Variants in CRYBG1 observed in about 807,000 individuals in gnomAD.
CRYBG1 encodes beta/gamma crystallin domain-containing protein 1.
CRYBG1 carries 139 observed loss-of-function variants against 189.2 expected under a neutral mutation model. The ratio of observed to expected loss-of-function variants is 0.73; its 90% CI spans 0.64 to 0.85. The LOEUF (loss-of-function observed/expected upper bound fraction) is 0.85, where lower values mean the gene tolerates loss of function less well. Ranked by LOEUF, CRYBG1 falls within the 40% of genes least tolerant of loss-of-function variation. CRYBG1 has a pLI of 0.00. For missense variants in CRYBG1, 2,611 were observed against 2,675.8 expected (o/e 0.98, Z 0.53); for synonymous variants, 1,023 against 1,017.1 (o/e 1.01, Z -0.11).
intron 2 of CRYBG1, among the ~76,000 whole-genome samples, chr6:106,459,111 T>C (rs953040209): frequency 6.6e-6 from 1 of 152,226 alleles, no homozygotes; most frequent in Non-Finnish European, 1.5e-5. Context: ...TCTATATTTA[T>C]TTGTGATGTT....
intron 2 of CRYBG1, among the ~76,000 whole-genome samples, chr6:106,455,235 G>C (rs1771861869): frequency 6.6e-6 from 1 of 152,006 alleles, no homozygotes; most frequent in Admixed American, 6.6e-5. Flanking sequence ...AAAAGCATAA[G>C]AAAGTGGTAT....
intron 1 of CRYBG1, among the ~76,000 whole-genome samples, chr6:106,376,189 T>C (rs1770160302): frequency 6.6e-6 from 1 of 152,242 alleles, no homozygotes; most frequent in Admixed American, 6.5e-5. Context: ...GCAGTAAAGA[T>C]GAAATTATAG....
At chr6:106,563,688 G>A in intron 20 of CRYBG1, 76 bp from the exon 21 acceptor site, 1 of 1,470,102 alleles carries the variant, frequency 6.8e-7, no homozygotes, top group South Asian at 1.3e-5. Context: ...AAAGCCCAAT[G>A]TAACCAGAGA....
intron 2 of CRYBG1, chr6:106,454,712 A>G (rs1771849469): frequency 6.6e-6 from 1 of 152,260 alleles, no homozygotes; most frequent in African/African-American, 2.4e-5. Context: ...ACCCATTTTT[A>G]TAACTGTTCC....
rs145791819 is a variant in CRYBG1, at chr6:106,531,554, G to T, written c.4718+1239G>T. Among the ~76,000 whole-genome samples, 3 of 152,144 alleles carry T rather than the reference G, an allele frequency of 2.0e-5. No homozygotes were observed. In the South Asian group the frequency reaches 6.2e-4, roughly 31 times the overall value. On this transcript the variant is annotated intron_variant, in intron 8 of 21. Transcript: ENST00000633556. The stretch of plus-strand genomic sequence containing the variant: ...CTTGTTAGGTAAAGAGTTTCTCATC[G>T]CAGGGAGTACTCAGGTAGAGGATGG...
At chr6:106,470,769 G>A (rs1772217785) in intron 2 of CRYBG1, among the ~76,000 whole-genome samples, 1 of 152,120 alleles carries the variant, frequency 6.6e-6, no homozygotes, top group African/African-American at 2.4e-5. Flanking sequence ...GGGCCACATT[G>A]CCTGCCTGTA....
At position 106,449,998 on chromosome 6, in the gene CRYBG1, G is replaced by T. The variant is rs144816120; in HGVS notation, c.174-1696G>T. ...CCGGCACTTTGGGAGGCTGAGGCAG[G>T]TGGCTCACTTAAGGTCAGGAGTTCG... On this transcript the variant is annotated intron_variant, in intron 1 of 21. Coordinates refer to ENST00000633556, the MANE Select transcript of CRYBG1 (RefSeq NM_001371242.2). 2.4e-3 allele frequency among the ~76,000 whole-genome samples: 361 copies of T among 152,298 alleles called. 13 individuals are homozygous for T. In the East Asian group the frequency reaches 0.053, roughly 22 times the overall value.
intron 3 of CRYBG1, 39 bp from the exon 4 acceptor site, chr6:106,519,092 C>G: frequency 1.9e-6 from 3 of 1,557,358 alleles, no homozygotes; most frequent in Non-Finnish European, 2.6e-6. Context: ...CTTTTTAAAA[C>G]TAGGTCAATA....
chr6:106,510,486 C>G (rs948643711), intron 2 of CRYBG1, among the ~76,000 whole-genome samples: 1 of 152,244 alleles, frequency 6.6e-6, no homozygotes, highest in Non-Finnish European at 1.5e-5. Context: ...CAGGTTTTCC[C>G]CCTTCCTGGG....
At chr6:106,560,566 A>T (rs1355295779) in intron 18 of CRYBG1, among the ~76,000 whole-genome samples, 1 of 152,210 alleles carries the variant, frequency 6.6e-6, no homozygotes, top group Non-Finnish European at 1.5e-5. Flanking sequence ...GGAGGAAAAA[A>T]CTTACCTATT....
chr6:106,390,591 C>T (rs1582736468), intron 1 of CRYBG1, among the ~76,000 whole-genome samples: 5 of 117,850 alleles, frequency 4.2e-5, no homozygotes, highest in East Asian at 7.2e-4. Context: ...GTGCACTCCC[C>T]CTACGCCCCG....
At chr6:106,566,328 T>C (rs1467642465) in intron 21 of CRYBG1, among the ~76,000 whole-genome samples, 1 of 152,044 alleles carries the variant, frequency 6.6e-6, no homozygotes, top group Non-Finnish European at 1.5e-5. Context: ...GACTCTAGGT[T>C]TCTTAAGACT....
At chr6:106,560,961 T>C (rs781281346) in intron 19 of CRYBG1, 35 bp downstream of exon 19, 4 of 1,524,586 alleles carry the variant, frequency 2.6e-6, no homozygotes, top group South Asian at 1.3e-5. Flanking sequence ...GCATAGACTC[T>C]TCTCTGAAAT....
At chr6:106,528,168 G>A (rs1562106162) in intron 7 of CRYBG1, among the ~76,000 whole-genome samples, 1 of 152,230 alleles carries the variant, frequency 6.6e-6, no homozygotes, top group Non-Finnish European at 1.5e-5. Context: ...ATGAGTAACA[G>A]TTTTGGCAGA....
chr6:106,424,286 C>G (rs1582754717), intron 1 of CRYBG1, among the ~76,000 whole-genome samples: 1 of 152,214 alleles, frequency 6.6e-6, no homozygotes, highest in African/African-American at 2.4e-5. Flanking sequence ...TTGGCTTTTC[C>G]TAAGCTTTCA....
chr6:106,389,661 G>A (rs367914573), intron 1 of CRYBG1, among the ~76,000 whole-genome samples: 2 of 152,052 alleles, frequency 1.3e-5, no homozygotes, highest in South Asian at 4.1e-4. Context: ...TCTTTCCTGA[G>A]CAGAAATATG....
intron 1 of CRYBG1, among the ~76,000 whole-genome samples, chr6:106,409,973 C>A (rs1460053428): frequency 6.6e-6 from 1 of 152,172 alleles, no homozygotes; most frequent in Non-Finnish European, 1.5e-5. Context: ...GCAAAGACTT[C>A]ATGACTAAAA....
chr6:106,377,985 G>A (rs1230399612), intron 1 of CRYBG1, among the ~76,000 whole-genome samples: 1 of 152,104 alleles, frequency 6.6e-6, no homozygotes, highest in African/African-American at 2.4e-5. Context: ...GTGCTTCAGG[G>A]TATTTTTCCA....
Position 106,375,421 on chromosome 6 carries a change from G to GTAAATAAA in CRYBG1, c.173+14361_173+14368dup, listed in dbSNP as rs534278338. On this transcript the variant is annotated intron_variant, in intron 1 of 21. Coordinates refer to ENST00000633556, the MANE Select transcript of CRYBG1 (RefSeq NM_001371242.2). ...AGTAAGTAAGTAAGTAAGTAAGTAAGTAAATAAATAAATAAATAAATAAAT... is the reference window on the plus strand; with the variant it reads ...AGTAAGTAAGTAAGTAAGTAAGTAAGTAAATAAATAAATAAATAAATAAATAAATAAAT... Among the ~76,000 whole-genome samples the GTAAATAAA allele has an allele frequency of 2.5e-3, 309 of 125,382 alleles. 1 individual carries two copies. The highest frequency in any genetic ancestry group is 0.011 in the African/African-American group (280 of 25,538). The allele number at this position is 125,382 out of a possible 152,430, so 82.3% of individuals were successfully genotyped here.
Sources: gnomAD v4.1 joint callset for allele counts (sites outside exome capture counted in the v4.1 genomes callset) on GRCh38, gnomAD v4.1.1 for gene constraint, MANE v1.5 for transcripts, NCBI Gene and HGNC (gene_info 2026-07-23, HGNC 2026-07-21) for gene names.